Variants in DENND1B observed in about 807,000 individuals in gnomAD.
DENND1B encodes the protein DENN domain containing 1B.
In DENND1B, 59 loss-of-function variants were observed where a neutral mutation model predicts 90.1. The ratio of observed to expected loss-of-function variants is 0.65; its 90% CI spans 0.53 to 0.81. The LOEUF (loss-of-function observed/expected upper bound fraction) is 0.81, where lower values mean the gene tolerates loss of function less well. Among genes scored for constraint, DENND1B ranks in the 40% least tolerant of loss-of-function variants. The pLI, the probability that DENND1B is intolerant of heterozygous loss-of-function variation, is 0.00. For synonymous variants in DENND1B, 337 were observed against 324.6 expected (o/e 1.04, Z -0.41); for missense variants, 862 against 912.6 (o/e 0.94, Z 0.71).
intron 10 of DENND1B, among the ~76,000 whole-genome samples, chr1:197,633,375 C>G (rs866551187): frequency 2.0e-5 from 3 of 152,284 alleles, no homozygotes; most frequent in Middle Eastern, 6.8e-3. Context: ...ACTGCCTGAT[C>G]TGTGAAAATG....
intron 2 of DENND1B, among the ~76,000 whole-genome samples, chr1:197,744,971 A>G (rs1221675773): frequency 2.6e-5 from 4 of 152,148 alleles, no homozygotes; most frequent in Non-Finnish European, 4.4e-5. Context: ...TCATGAACCA[A>G]CCTCTGCTAG....
At chr1:197,523,950 ATT>A (rs11320663) in intron 20 of DENND1B, among the ~76,000 whole-genome samples, 19 of 151,692 alleles carry the variant, frequency 1.3e-4, no homozygotes, top group Admixed American at 9.2e-4. Flanking sequence ...AATGGAATCT[ATT>A]TTTTTTTTAA....
chr1:197,562,890 A>T (rs569389583), intron 15 of DENND1B, among the ~76,000 whole-genome samples: 1 of 152,072 alleles, frequency 6.6e-6, no homozygotes, highest in East Asian at 1.9e-4. Flanking sequence ...AAACAGCCTT[A>T]TTGCTGAGAT....
At chr1:197,644,128 C>T (rs1312937344) in intron 9 of DENND1B, among the ~76,000 whole-genome samples, 2 of 152,188 alleles carry the variant, frequency 1.3e-5, no homozygotes. Context: ...TTCGTGCTTT[C>T]TCACCTTCCA....
chr1:197,663,198 G>C (rs1282129453), intron 5 of DENND1B, among the ~76,000 whole-genome samples: 1 of 152,006 alleles, frequency 6.6e-6, no homozygotes, highest in African/African-American at 2.4e-5. Flanking sequence ...TATTAGAACA[G>C]ACTCAAATTT....
At position 197,540,013 on chromosome 1, in the gene DENND1B, T is replaced by C; in HGVS notation, c.1466A>G (p.Lys489Arg). The C allele has an allele frequency of 1.2e-6, 2 of 1,613,520 alleles. No homozygotes were observed. Among genetic ancestry groups the C allele is most frequent in the East Asian group, 4.5e-5 (2 of 44,778 alleles). ...SSSVQYTPVY[K>R]LHNEKGGNSE... ...GTTTCCTCCCTTTTCATTGTGTAAT[T>C]TGTAAACTGGTGTATATTGTACAGA... Residue 489 changes from lysine (K) to arginine (R), a missense_variant, in exon 20 of 23, where the codon AAA becomes AGA. By Grantham distance (26) the Lys-to-Arg change is conservative. Transcript: ENST00000620048.
chr1:197,610,166 T>G (rs765860004), intron 12 of DENND1B, among the ~76,000 whole-genome samples: 1 of 150,626 alleles, frequency 6.6e-6, no homozygotes, highest in African/African-American at 2.4e-5. Context: ...CTTAGATAAG[T>G]CCAGAGTATG....
At chr1:197,638,339 G>A (rs1679971030) in intron 10 of DENND1B, among the ~76,000 whole-genome samples, 2 of 152,088 alleles carry the variant, frequency 1.3e-5, no homozygotes, top group South Asian at 4.1e-4. Flanking sequence ...CTAAATAATG[G>A]TCAAAATAAT....
chr1:197,606,659 G>C (rs1676709448), intron 13 of DENND1B: 1 of 159,218 alleles, frequency 6.3e-6, no homozygotes, highest in Non-Finnish European at 1.4e-5. Flanking sequence ...GAAAAGCGCT[G>C]GCAGGTGGCA....
chr1:197,682,624 G>T (rs1558396660), intron 3 of DENND1B, among the ~76,000 whole-genome samples: 1 of 152,144 alleles, frequency 6.6e-6, no homozygotes, highest in Non-Finnish European at 1.5e-5. Context: ...TGTGTGGCAG[G>T]TCTAGGAGAA....
At chr1:197,637,795 C>A (rs1679926599) in intron 10 of DENND1B, among the ~76,000 whole-genome samples, 1 of 152,098 alleles carries the variant, frequency 6.6e-6, no homozygotes, top group Non-Finnish European at 1.5e-5. Context: ...GAGATGATAA[C>A]AATTTTTAAC....
At chr1:197,682,745 T>G (rs1017222725) in intron 3 of DENND1B, among the ~76,000 whole-genome samples, 3 of 152,060 alleles carry the variant, frequency 2.0e-5, no homozygotes, top group Admixed American at 2.0e-4. Flanking sequence ...GGGTGGTCCT[T>G]CCATCACAGG....
intron 9 of DENND1B, 83 bp downstream of exon 9, chr1:197,645,607 A>G (rs1377209396): frequency 1.5e-6 from 1 of 687,600 alleles, no homozygotes; most frequent in Admixed American, 3.5e-5. Flanking sequence ...CTATTTCTCT[A>G]TATAAAAACG....
chr1:197,688,452 G>A (rs552182417), intron 3 of DENND1B, among the ~76,000 whole-genome samples: 14 of 152,036 alleles, frequency 9.2e-5, no homozygotes, highest in Non-Finnish European at 1.3e-4. Context: ...AAAACAGTAC[G>A]GTACTGGCAG....
intron 2 of DENND1B, chr1:197,735,550 T>C (rs775979481): frequency 1.9e-6 from 3 of 1,613,768 alleles, no homozygotes; most frequent in Admixed American, 3.3e-5. Context: ...ATTTACAAAG[T>C]GTTCTTAGAC....
intron 21 of DENND1B, among the ~76,000 whole-genome samples, chr1:197,512,429 T>A (rs1668093995): frequency 6.6e-6 from 1 of 151,730 alleles, no homozygotes; most frequent in Admixed American, 6.6e-5. Flanking sequence ...CATATATTAT[T>A]TCCCTTATAT....
chr1:197,773,903 A>AT (rs1387566726), intron 1 of DENND1B, among the ~76,000 whole-genome samples: 1 of 152,216 alleles, frequency 6.6e-6, no homozygotes, highest in East Asian at 1.9e-4. Flanking sequence ...CATTGGCTGT[A>AT]TTTAATATGT....
At chr1:197,624,263 C>A (rs1233705621) in intron 10 of DENND1B, among the ~76,000 whole-genome samples, 4 of 151,410 alleles carry the variant, frequency 2.6e-5, no homozygotes, top group African/African-American at 4.8e-5. Flanking sequence ...ACAAATAGAC[C>A]CACATAAATA....
At position 197,507,123 on chromosome 1, in the gene DENND1B, T is replaced by A. The variant is rs1250231637; in HGVS notation, c.*3337A>T. On this transcript the variant is annotated 3_prime_UTR_variant, in exon 23 of 23. Transcript: ENST00000620048. ...TTTGAACTTTTTGTGTGTTAGAATC[T>A]CAGCTAATAACTTCCAGGCAAAACA... 1 of 150,114 alleles carries A rather than the reference T, an allele frequency of 6.7e-6. No individual in the cohort carries two copies. Among genetic ancestry groups the A allele is most frequent in the Admixed American group, 6.7e-5 (1 of 15,006 alleles). The allele number at this position is 150,114 out of a possible 1,614,324, so 9.3% of individuals were successfully genotyped here. A position where few individuals can be genotyped will look rare whatever the true frequency, so the allele number is the denominator to read the frequency against.
Sources: gnomAD v4.1 joint callset for allele counts (sites outside exome capture counted in the v4.1 genomes callset) on GRCh38, gnomAD v4.1.1 for gene constraint, MANE v1.5 for transcripts, NCBI Gene and HGNC (gene_info 2026-07-23, HGNC 2026-07-21) for gene names.